RALGAPA1: variants seen among roughly 807,000 people sequenced by gnomAD.
The protein encoded by RALGAPA1 is Ral GTPase activating protein catalytic subunit alpha 1, also known as ral GTPase-activating protein subunit alpha-1.
In RALGAPA1, 52 loss-of-function variants were observed where a neutral mutation model predicts 269.6. That is an observed-to-expected ratio of 0.19 (90% confidence interval 0.15 to 0.24). RALGAPA1 has a LOEUF of 0.24. Ranked by LOEUF, RALGAPA1 falls within the 10% of genes least tolerant of loss-of-function variation. RALGAPA1 has a pLI of 1.00. For missense variants in RALGAPA1, 1,917 were observed against 3,013.9 expected, an observed-to-expected ratio of 0.64 and a Z score of 8.52; for synonymous variants, 817 against 1,008.3, an observed-to-expected ratio of 0.81 and a Z score of 3.60.
intron 12 of RALGAPA1, among the ~76,000 whole-genome samples, chr14:35,730,369 G>A (rs1335894584): frequency 6.6e-6 from 1 of 152,164 alleles, no homozygotes; most frequent in African/African-American, 2.4e-5. Flanking sequence ...ATTTGAACCA[G>A]GCAAGAAGCC....
intron 16 of RALGAPA1, among the ~76,000 whole-genome samples, chr14:35,714,241 C>T (rs2068613355): frequency 6.6e-6 from 1 of 152,278 alleles, no homozygotes; most frequent in South Asian, 2.1e-4. Flanking sequence ...CCATTTTACA[C>T]TCCCACTAGC....
chr14:35,639,285 A>G lies in RALGAPA1; in HGVS notation c.5677-3687T>C, dbSNP rs1039941538. 2.6e-5 allele frequency among the ~76,000 whole-genome samples: 4 copies of G among 152,246 alleles called. No homozygotes were observed. In the East Asian group the frequency reaches 7.7e-4, roughly 29 times the overall value. ...TGGAGCACCCTGATATATAAAGCAA[A>G]TATTATTAGAGCTAAAGAGAGAGAT... is the stretch of plus-strand genomic sequence containing the variant. On this transcript the variant is annotated intron_variant, in intron 31 of 41. Coordinates refer to ENST00000680220, the MANE Select transcript of RALGAPA1 (RefSeq NM_001346249.2).
intron 35 of RALGAPA1, among the ~76,000 whole-genome samples, chr14:35,611,414 A>C (rs1224565793): frequency 1.3e-5 from 2 of 152,058 alleles, no homozygotes; most frequent in Non-Finnish European, 1.5e-5. Flanking sequence ...AGGCAGGAGA[A>C]TCACTTGAAC....
At chr14:35,761,453 AAAAGTTCTG>A (rs2073698028) in intron 5 of RALGAPA1, among the ~76,000 whole-genome samples, 2 of 152,288 alleles carry the variant, frequency 1.3e-5, no homozygotes, top group South Asian at 4.1e-4. Flanking sequence ...CTTGCCCCTG[AAAAGTTCTG>A]AAATTATTAA....
chr14:35,610,346 G>T (rs1444587819), intron 35 of RALGAPA1, among the ~76,000 whole-genome samples: 1 of 149,996 alleles, frequency 6.7e-6, no homozygotes, highest in Non-Finnish European at 1.5e-5. Flanking sequence ...GCAGTGGTGT[G>T]ATCTCTGCTC....
In RALGAPA1 at chr14:35,689,381, T is replaced by C; in HGVS notation, c.3030A>G (p.Glu1010=). The C allele has an allele frequency of 8.1e-7, 1 of 1,232,288 alleles. No homozygotes were observed. The allele number at this position is 1,232,288 out of a possible 1,614,324, so 76.3% of individuals were successfully genotyped here. A position where few individuals can be genotyped will look rare whatever the true frequency, so the allele number is the denominator to read the frequency against. ...TACTCATGAAGACAGCTGAGTTTGG[T>C]TCTTTCTGAAACTGTAGGTTTTCAG... The part of the protein sequence containing the change: ...GTPENLQFQK[E]PNSAVFMSNI... Residue 1010 remains glutamate (E), a synonymous_variant, in exon 18 of 42, where the codon GAA becomes GAG. Transcript: ENST00000680220.
rs750842358 is a variant in RALGAPA1, at chr14:35,728,522, G to T, written c.1588-12C>A. 1.5e-5 allele frequency: 23 copies of T among 1,576,846 alleles called. No homozygotes were observed. The South Asian group carries it at 2.6e-4, about 18-fold the overall frequency. ...TTTATAATAAACACCTAAGACAAAA[G>T]AAATCATTAGCTATTCACAAAGGAA... On this transcript the variant is annotated splice_polypyrimidine_tract_variant and intron_variant, in intron 12 of 41. Coordinates refer to ENST00000680220, the MANE Select transcript of RALGAPA1 (RefSeq NM_001346249.2).
At chr14:35,748,271 A>T (rs1200123472) in intron 10 of RALGAPA1, 2 of 168,340 alleles carry the variant, frequency 1.2e-5, no homozygotes, top group Non-Finnish European at 2.5e-5. Flanking sequence ...CTTAGTTTAA[A>T]ATTCTTAAAC....
chr14:35,735,873 G>A (rs1207498136), intron 12 of RALGAPA1, among the ~76,000 whole-genome samples: 1 of 152,018 alleles, frequency 6.6e-6, no homozygotes, highest in Non-Finnish European at 1.5e-5. Context: ...TATGCTGTGG[G>A]CCAGCCCTAG....
chr14:35,632,339 C>T (rs2061406917), intron 33 of RALGAPA1, among the ~76,000 whole-genome samples: 1 of 152,074 alleles, frequency 6.6e-6, no homozygotes, highest in South Asian at 2.1e-4. Flanking sequence ...GCTTCTAAGG[C>T]TTTGTGTAAC....
intron 27 of RALGAPA1, among the ~76,000 whole-genome samples, chr14:35,661,667 T>C (rs1400019298): frequency 2.0e-5 from 3 of 152,150 alleles, no homozygotes; most frequent in African/African-American, 7.2e-5. Flanking sequence ...CAATAAGCAT[T>C]TGTCAGTCAT....
intron 41 of RALGAPA1, among the ~76,000 whole-genome samples, chr14:35,546,619 G>C (rs1284203821): frequency 6.6e-6 from 1 of 151,806 alleles, no homozygotes; most frequent in African/African-American, 2.4e-5. Context: ...TATATACATA[G>C]GGTGTGCACA....
At chr14:35,587,722 G>A (rs1457027444) in intron 37 of RALGAPA1, among the ~76,000 whole-genome samples, 2 of 151,514 alleles carry the variant, frequency 1.3e-5, no homozygotes, top group Non-Finnish European at 2.9e-5. Context: ...CTGTCGTGGG[G>A]TGGGGGGAAG....
chr14:35,728,578 AAC>A, intron 12 of RALGAPA1, 68 bp from the exon 13 acceptor site: 2 of 1,484,914 alleles, frequency 1.3e-6, no homozygotes, highest in Non-Finnish European at 1.8e-6. Flanking sequence ...TTCAAAGAGA[AAC>A]AGACACTGAT....
At chr14:35,674,090 G>T (rs1029509979) in intron 24 of RALGAPA1, 90 bp downstream of exon 24, 3 of 945,692 alleles carry the variant, frequency 3.2e-6, no homozygotes, top group Admixed American at 4.6e-5. Flanking sequence ...AAGTGCTCTA[G>T]AAGTCTATAT....
rs1386432371 is a variant in RALGAPA1 at position 35,751,884 on chromosome 14, G to A, written c.802+140C>T. 4 of 1,121,190 alleles carry A rather than the reference G, an allele frequency of 3.6e-6. No homozygotes were observed. The African/African-American group carries it at 4.9e-5, about 14-fold the overall frequency. The allele number at this position is 1,121,190 out of a possible 1,614,324, so 69.5% of individuals were successfully genotyped here. On this transcript the variant is annotated intron_variant, in intron 8 of 41. Transcript: ENST00000680220. ...ATTAATATAAATTTGCTTTCAGTAT[G>A]AATCTAGGTATCATATCTATACCAA...
intron 1 of RALGAPA1, among the ~76,000 whole-genome samples, chr14:35,797,246 A>T (rs2076631906): frequency 6.6e-6 from 1 of 150,388 alleles, no homozygotes; most frequent in South Asian, 2.1e-4. Flanking sequence ...CCCAGCTACT[A>T]GGGGGCTGAA....
At chr14:35,803,363 G>C (rs1234359337) in intron 1 of RALGAPA1, among the ~76,000 whole-genome samples, 1 of 152,046 alleles carries the variant, frequency 6.6e-6, no homozygotes, top group Non-Finnish European at 1.5e-5. Context: ...GAGGAAAATA[G>C]ATCCTAAAAC....
intron 21 of RALGAPA1, 45 bp downstream of exon 21, chr14:35,683,764 C>T (rs2140376680): frequency 5.6e-6 from 8 of 1,429,254 alleles, no homozygotes; most frequent in Non-Finnish European, 7.6e-6. Flanking sequence ...TCTTTGAAGG[C>T]TTAAAAAATA....
Sources: gnomAD v4.1 joint callset for allele counts (sites outside exome capture counted in the v4.1 genomes callset) on GRCh38, gnomAD v4.1.1 for gene constraint, MANE v1.5 for transcripts, NCBI Gene and HGNC (gene_info 2026-07-23, HGNC 2026-07-21) for gene names.